The following CHP1 variants were observed in gnomAD, a reference collection of about 807,000 sequenced individuals.
CHP1 encodes calcineurin like EF-hand protein 1.
Under a neutral mutation model 27.4 loss-of-function variants are expected in CHP1, and 11 were observed. That is an observed-to-expected ratio of 0.40 (90% confidence interval 0.25 to 0.67). CHP1 has a LOEUF of 0.67. Ranked by LOEUF, CHP1 falls within the 30% of genes least tolerant of loss-of-function variation. CHP1 has a pLI of 0.38. For missense variants in CHP1, 169 were observed against 251.3 expected (o/e 0.67, Z 2.22); for synonymous variants, 89 against 87.4 (o/e 1.02, Z -0.10).
chr15:41,267,695 T>C (rs893853973), intron 4 of CHP1, among the ~76,000 whole-genome samples: 7 of 149,748 alleles, frequency 4.7e-5, no homozygotes, highest in Non-Finnish European at 7.4e-5. Context: ...GCAATAGCAT[T>C]GATTGAAGTA....
intron 5 of CHP1, among the ~76,000 whole-genome samples, chr15:41,275,717 A>ATGCAC (rs1280692938): frequency 6.6e-6 from 1 of 151,980 alleles, no homozygotes; most frequent in East Asian, 2.0e-4. Flanking sequence ...TACTATAGGC[A>ATGCAC]TGCACTACCA....
chr15:41,247,976 AAAAT>A (rs59061543), intron 2 of CHP1, among the ~76,000 whole-genome samples: 5 of 141,842 alleles, frequency 3.5e-5, no homozygotes, highest in Admixed American at 7.0e-5. Flanking sequence ...CTCAAATAAA[AAAAT>A]AAATAAATAA....
At chr15:41,244,678 T>G (rs2047324748) in intron 2 of CHP1, among the ~76,000 whole-genome samples, 1 of 152,156 alleles carries the variant, frequency 6.6e-6, no homozygotes, top group South Asian at 2.1e-4. Flanking sequence ...ATTATTCTGG[T>G]CTAGATGTCG....
intron 1 of CHP1, among the ~76,000 whole-genome samples, chr15:41,240,696 T>C (rs1201959716): frequency 2.1e-5 from 3 of 143,570 alleles, no homozygotes; most frequent in African/African-American, 7.7e-5. Flanking sequence ...GAGGTTGTGG[T>C]GAGCCAAGAT....
In CHP1 at chr15:41,247,112, G is replaced by A. The variant is rs2047339136; in HGVS notation, c.140+3373G>A. 2.0e-5 allele frequency among the ~76,000 whole-genome samples: 3 copies of A among 152,038 alleles called. No homozygotes were observed. The South Asian group carries it at 6.2e-4, about 31-fold the overall frequency. ...CAAGCGCAGTGGCTTACACCTGGCT[G>A]TAATCCAGCACTTTGGGAGGCCAAG... On this transcript the variant is annotated intron_variant, in intron 2 of 6. Transcript: ENST00000334660.
chr15:41,248,947 G>A (rs756200377), intron 2 of CHP1, among the ~76,000 whole-genome samples: 4 of 152,162 alleles, frequency 2.6e-5, no homozygotes, highest in Non-Finnish European at 2.9e-5. Context: ...GTGGCCATCC[G>A]ATTAAATTGT....
chr15:41,239,599 T>C (rs1295743575), intron 1 of CHP1, among the ~76,000 whole-genome samples: 1 of 151,728 alleles, frequency 6.6e-6, no homozygotes, highest in African/African-American at 2.4e-5. Flanking sequence ...TTTTACCATG[T>C]TGGCCAGGCT....
At chr15:41,269,396 G>C (rs1333426954) in intron 4 of CHP1, among the ~76,000 whole-genome samples, 1 of 152,084 alleles carries the variant, frequency 6.6e-6, no homozygotes. Flanking sequence ...TTGGAGGGGA[G>C]TGATATTTAA....
chr15:41,232,782 T>C (rs1418739947), intron 1 of CHP1, among the ~76,000 whole-genome samples: 1 of 152,136 alleles, frequency 6.6e-6, no homozygotes, highest in Admixed American at 6.6e-5. Context: ...AGTAACTCAC[T>C]CCGGCCCATA....
rs918116085 is a variant in CHP1, at chr15:41,264,179, T to C, written c.349+1296T>C. 2.3e-6 allele frequency: 3 copies of C among 1,285,972 alleles called. No homozygotes were observed. The African/African-American group carries it at 4.6e-5, about 20-fold the overall frequency. 79.7% of individuals were successfully genotyped at this position (1,285,972 alleles called of 1,614,324 possible). On this transcript the variant is annotated intron_variant, in intron 4 of 6. Transcript: ENST00000334660. ...ACATCTGGCAGTAGAGGAAGAGAGA[T>C]ATATATAGAGAGAGATCGAGACTGA...
intron 4 of CHP1, among the ~76,000 whole-genome samples, chr15:41,265,639 G>A (rs1173225847): frequency 1.3e-5 from 2 of 151,442 alleles, no homozygotes; most frequent in Non-Finnish European, 2.9e-5. Context: ...TGAACCTGGG[G>A]GGCAGAGGTT....
intron 2 of CHP1, among the ~76,000 whole-genome samples, chr15:41,252,691 T>C (rs1468173883): frequency 6.6e-6 from 1 of 152,132 alleles, no homozygotes; most frequent in Non-Finnish European, 1.5e-5. Context: ...CTAAAAACCC[T>C]GGTTTTTCTA....
intron 3 of CHP1, 110 bp downstream of exon 3, chr15:41,257,100 TG>T (rs1449361933): frequency 1.2e-4 from 73 of 623,586 alleles, no homozygotes; most frequent in Admixed American, 4.5e-4. Context: ...TGATACCCCC[TG>T]ATTATATTGA....
intron 1 of CHP1, among the ~76,000 whole-genome samples, chr15:41,238,106 GTGA>G (rs2047286721): frequency 6.6e-6 from 1 of 152,076 alleles, no homozygotes. Context: ...GCACAATGCA[GTGA>G]TGATAGAAAG....
intron 5 of CHP1, chr15:41,272,118 A>G (rs1323039342): frequency 1.3e-5 from 2 of 152,244 alleles, no homozygotes; most frequent in Admixed American, 6.5e-5. Context: ...GGGTGGGTAC[A>G]TATGTTAAAC....
chr15:41,260,034 T>C (rs1255530669), intron 3 of CHP1, among the ~76,000 whole-genome samples: 4 of 152,162 alleles, frequency 2.6e-5, no homozygotes, highest in African/African-American at 9.7e-5. Context: ...CCAGCCAAGG[T>C]CATTCTTTTG....
intron 1 of CHP1, among the ~76,000 whole-genome samples, chr15:41,238,847 A>C (rs1027041803): frequency 6.6e-6 from 1 of 152,138 alleles, no homozygotes; most frequent in African/African-American, 2.4e-5. Context: ...GCAAGCCTCC[A>C]TCTCAAAAAA....
rs559335058 is a variant in CHP1 at position 41,269,962 on chromosome 15, A to G, written c.350-595A>G. On this transcript the variant is annotated intron_variant, in intron 4 of 6. Transcript: ENST00000334660. ...TTCTGATTCCTATCTCATGGACCCAAGCAAAGTTCTCCTATCTCCTAGTTT... is the reference window on the plus strand; with the variant it reads ...TTCTGATTCCTATCTCATGGACCCAGGCAAAGTTCTCCTATCTCCTAGTTT... Among the ~76,000 whole-genome samples the G allele has an allele frequency of 1.3e-3, 204 of 152,292 alleles. 1 individual carries two copies. The highest frequency in any genetic ancestry group is 4.7e-3 in the African/African-American group (195 of 41,550).
At chr15:41,262,029 C>T (rs1035865596) in intron 3 of CHP1, among the ~76,000 whole-genome samples, 79 of 149,536 alleles carry the variant, frequency 5.3e-4, no homozygotes, top group African/African-American at 1.9e-3. Flanking sequence ...ATTAGCCGGG[C>T]ATGGTGGCGG....
Sources: gnomAD v4.1 joint callset for allele counts (sites outside exome capture counted in the v4.1 genomes callset) on GRCh38, gnomAD v4.1.1 for gene constraint, MANE v1.5 for transcripts, NCBI Gene and HGNC (gene_info 2026-07-23, HGNC 2026-07-21) for gene names.